The following CRHR2 variants were observed in gnomAD, a reference collection of about 807,000 sequenced individuals.
The protein encoded by CRHR2 is corticotropin-releasing hormone receptor 2.
In CRHR2, 53 loss-of-function variants were observed where a neutral mutation model predicts 57.9. The observed-to-expected ratio is 0.92, with a 90% CI of 0.73 to 1.15. The LOEUF (loss-of-function observed/expected upper bound fraction) is 1.15, where lower values mean the gene tolerates loss of function less well. Among genes scored for constraint, CRHR2 ranks in the 50% most tolerant of loss-of-function variants. The pLI, the probability that CRHR2 is intolerant of heterozygous loss-of-function variation, is 0.00. For missense variants in CRHR2, 532 were observed against 542.6 expected (o/e 0.98, Z 0.19); for synonymous variants, 213 against 220.9 (o/e 0.96, Z 0.32).
At position 30,694,448 on chromosome 7, in the gene CRHR2, G is replaced by A. The variant is rs17159376; in HGVS notation, c.-260-5164C>T. On this transcript the variant is annotated intron_variant, in intron 1 of 13. Coordinates refer to the CRHR2 transcript ENST00000341843. ...CCCGGGGCCCCGACAGGCCTCAAAGGTATCGCCTCCCTGGAACCTGGGGGT... is the reference window on the plus strand; with the variant it reads ...CCCGGGGCCCCGACAGGCCTCAAAGATATCGCCTCCCTGGAACCTGGGGGT... Among the ~76,000 whole-genome samples, 113 of 152,352 alleles carry A rather than the reference G, an allele frequency of 7.4e-4. No homozygotes were observed. The East Asian group carries it at 0.013, about 18-fold the overall frequency.
upstream of CRHR2, among the ~76,000 whole-genome samples, chr7:30,686,085 A>G (rs4723002): frequency 0.12 from 17,807 of 152,146 alleles, 1,175 homozygotes; most frequent in South Asian, 0.2. Flanking sequence ...GCTTCATTTG[A>G]AAGGCCCTCC....
At chr7:30,689,380 C>T (rs1784916087) in intron 1 of CRHR2, 2 of 995,356 alleles carry the variant, frequency 2.0e-6, no homozygotes, top group Non-Finnish European at 3.1e-6. Context: ...TCATCCCTTA[C>T]TCCTCTTAGT....
chr7:30,690,153 G>A (rs1418059102), intron 1 of CRHR2, among the ~76,000 whole-genome samples: 3 of 152,180 alleles, frequency 2.0e-5, no homozygotes, highest in African/African-American at 7.2e-5. Flanking sequence ...TGGATAGGAT[G>A]TACAGTTTTA....
chr7:30,662,930 A>G, intron 5 of CRHR2, 83 bp from the exon 6 acceptor site: 1 of 1,522,066 alleles, frequency 6.6e-7, no homozygotes, highest in Non-Finnish European at 8.9e-7. Context: ...GCAACAAGAC[A>G]CAGGGCTCCC....
Position 30,665,751 on chromosome 7 carries a change from CA to C in CRHR2, c.316-113del, listed in dbSNP as rs1322519810. On this transcript the variant is annotated intron_variant, in intron 3 of 11. Transcript: ENST00000471646. The surrounding 1 kb of genome is among the most constrained non-coding windows in gnomAD (Gnocchi z 4.5). ...CCTGACCTTGGGGGCAGAAGTGCTCCAGGTGTCATTGCCGTGCCTGGCTCTT... is the reference window on the plus strand; with the variant it reads ...CCTGACCTTGGGGGCAGAAGTGCTCCGGTGTCATTGCCGTGCCTGGCTCTT... 1 of 830,540 alleles carries C rather than the reference CA, an allele frequency of 1.2e-6. No homozygotes were observed. Among genetic ancestry groups the C allele is most frequent in the African/African-American group, 1.7e-5 (1 of 58,680 alleles). The allele number at this position is 830,540 out of a possible 1,614,324, so 51.4% of individuals were successfully genotyped here.
At chr7:30,661,330 C>A (rs905128092) in intron 7 of CRHR2, among the ~76,000 whole-genome samples, 1 of 152,206 alleles carries the variant, frequency 6.6e-6, no homozygotes, top group South Asian at 2.1e-4. Flanking sequence ...TCATCCAGTG[C>A]AGACCTGCCT....
intron 5 of CRHR2, among the ~76,000 whole-genome samples, chr7:30,663,682 C>T (rs904397752): frequency 2.6e-5 from 4 of 152,230 alleles, no homozygotes; most frequent in South Asian, 4.1e-4. Flanking sequence ...TTTAGAGCCA[C>T]GCAGTGGGCC....
intron 11 of CRHR2, chr7:30,654,621 T>G (rs1783707298): frequency 1.4e-6 from 2 of 1,476,202 alleles, no homozygotes; most frequent in African/African-American, 2.8e-5. Flanking sequence ...GAGCCTGCTC[T>G]TGGTGTGTGG....
Position 30,689,082 on chromosome 7 carries a change from C to A in CRHR2, c.-167+109G>T. The A allele has an allele frequency of 1.4e-5, 14 of 978,230 alleles. 1 individual carries two copies. In the South Asian group the frequency reaches 2.0e-4, roughly 14 times the overall value. 60.6% of individuals were successfully genotyped at this position (978,230 alleles called of 1,614,324 possible). On this transcript the variant is annotated intron_variant, in intron 2 of 13. Coordinates refer to the CRHR2 transcript ENST00000341843. ...AAACCAGGACTGGAAACCAGCACCC[C>A]ACCCACCACCCTGCTGAGCCTGGGC...
In CRHR2 at chr7:30,660,590, T is replaced by C; in HGVS notation, c.814A>G (p.Ile272Val). Residue 272 changes from isoleucine to valine, a missense_variant, in exon 8 of 12, where the codon ATC becomes GTC. Physicochemically the swap from Ile to Val is conservative, Grantham distance 29. Transcript: ENST00000471646. The part of the protein sequence containing the change: ...DLVDYIYQGP[I>V]ILVLLINFVF... Reference sequence around the variant, plus strand: ...GGGCTTACCAGGAGCACGAGAATGATGGGGCCTTGGTAGATGTAGTCCACC... The same window carrying C: ...GGGCTTACCAGGAGCACGAGAATGACGGGGCCTTGGTAGATGTAGTCCACC... The C allele has an allele frequency of 6.4e-7, 1 of 1,568,526 alleles. No homozygotes were observed.
At chr7:30,670,442 G>A (rs553825722) in intron 2 of CRHR2, among the ~76,000 whole-genome samples, 4 of 152,330 alleles carry the variant, frequency 2.6e-5, no homozygotes, top group African/African-American at 9.6e-5. Flanking sequence ...AGCCATTGAG[G>A]AAATGTCGGC....
intron 1 of CRHR2, among the ~76,000 whole-genome samples, chr7:30,698,695 C>T (rs1785108373): frequency 6.6e-6 from 1 of 152,168 alleles, no homozygotes; most frequent in African/African-American, 2.4e-5. Flanking sequence ...GCCAGGCCCC[C>T]AGGAAGGCAG....
chr7:30,679,724 C>T (rs942501251), intron 2 of CRHR2, among the ~76,000 whole-genome samples: 1 of 152,156 alleles, frequency 6.6e-6, no homozygotes, highest in Non-Finnish European at 1.5e-5. Flanking sequence ...CTAGGCTTCT[C>T]GTGGAGGTTT....
intron 2 of CRHR2, among the ~76,000 whole-genome samples, chr7:30,668,344 C>T (rs1268111450): frequency 6.6e-6 from 1 of 152,006 alleles, no homozygotes; most frequent in African/African-American, 2.4e-5. Flanking sequence ...CTCTGCTTGG[C>T]CTTCATCACT....
intron 10 of CRHR2, among the ~76,000 whole-genome samples, chr7:30,655,296 G>GT: frequency 6.6e-6 from 1 of 152,274 alleles, no homozygotes; most frequent in South Asian, 2.1e-4. Flanking sequence ...GGCAGACTCC[G>GT]GTCTCCTCAA....
At chr7:30,686,691 G>T (rs1291877212), upstream of CRHR2, 5 of 544,824 alleles carry the variant, frequency 9.2e-6, no homozygotes, top group Non-Finnish European at 1.3e-5. Flanking sequence ...TAAATAATAT[G>T]CCTCATAATA....
Position 30,682,050 on chromosome 7 carries a change from G to A in CRHR2, c.104-10C>T, listed in dbSNP as rs372375552. ...CAGTAGGAGTAGGGACCTGGCGGCG[G>A]GAGAGAGCGCAGTAGGGCTCAGAGG... On this transcript the variant is annotated splice_polypyrimidine_tract_variant and intron_variant, in intron 1 of 11. Transcript: ENST00000471646. The A allele has an allele frequency of 4.4e-6, 7 of 1,574,648 alleles. No homozygotes were observed. The African/African-American group carries it at 8.1e-5, about 18-fold the overall frequency.
chr7:30,668,711 T>G (rs1784262925), intron 2 of CRHR2, among the ~76,000 whole-genome samples: 1 of 152,210 alleles, frequency 6.6e-6, no homozygotes, highest in Admixed American at 6.5e-5. Context: ...TAATTGTTTT[T>G]TAGTTTGGTG....
Position 30,698,796 on chromosome 7 carries a change from G to A in CRHR2, c.-261+1148C>T, listed in dbSNP as rs1188583489. Among the ~76,000 whole-genome samples the A allele has an allele frequency of 2.6e-5, 4 of 152,282 alleles. No individual in the cohort carries two copies. The East Asian group carries it at 7.7e-4, about 29-fold the overall frequency. On this transcript the variant is annotated intron_variant, in intron 1 of 13. Coordinates refer to the CRHR2 transcript ENST00000341843. ...GTGCTCACACCACACCAAGCATGATGCTGCTTGCTTTACTTGTATTACCTC... is the reference window on the plus strand; with the variant it reads ...GTGCTCACACCACACCAAGCATGATACTGCTTGCTTTACTTGTATTACCTC...
Sources: gnomAD v4.1 joint callset for allele counts (sites outside exome capture counted in the v4.1 genomes callset) on GRCh38, gnomAD v4.1.1 for gene constraint, Gnocchi (gnomAD v3.1) non-coding constraint, MANE v1.5 for transcripts, NCBI Gene and HGNC (gene_info 2026-07-23, HGNC 2026-07-21) for gene names.